Variants in SAR1A observed in about 807,000 individuals in gnomAD.
SAR1A encodes secretion associated Ras related GTPase 1A.
A neutral mutation model predicts 22.6 loss-of-function variants in SAR1A; 6 were observed. The observed-to-expected ratio is 0.27, with a 90% CI of 0.15 to 0.52. The LOEUF is 0.52. SAR1A is among the 20% of genes least tolerant of loss of function. The pLI is 0.96. For synonymous variants in SAR1A, 70 were observed against 82.2 expected (o/e 0.85, Z 0.80); for missense variants, 145 against 245.1 (o/e 0.59, Z 2.73).
In SAR1A at chr10:70,152,579, A is replaced by G; in HGVS notation, c.494T>C (p.Leu165Pro). The G allele has an allele frequency of 6.2e-7, 1 of 1,613,720 alleles. No homozygotes were observed. The highest frequency in any genetic ancestry group is 8.5e-7 in the Non-Finnish European group (1 of 1,179,616). The part of the protein sequence containing the change: ...GQTTGKGNVT[L>P]KELNARPMEV... The stretch of plus-strand genomic sequence containing the variant: ...CATGGGGCGAGCATTCAGCTCCTTC[A>G]GGGTCACATTCCCCTAAAGGAGGCA... The change falls in exon 7 of 7, where the codon CTG (leucine) becomes CCG (proline). Residue 165 changes from leucine to proline, a missense_variant. By Grantham distance (98) the Leu-to-Pro change is moderately conservative (BLOSUM62 -3). Around this residue, in one of 3 missense-constraint regions of SAR1A, gnomAD observed 83 missense variants for 114.7 expected, o/e 0.72. Coordinates refer to ENST00000373241, the MANE Select transcript of SAR1A (RefSeq NM_020150.5).
At chr10:70,169,887 G>A (rs763393408) in intron 1 of SAR1A, among the ~76,000 whole-genome samples, 25 of 152,196 alleles carry the variant, frequency 1.6e-4, no homozygotes, top group Non-Finnish European at 3.1e-4. Context: ...AAGGGAGAAG[G>A]AGAAAATACA....
chr10:70,168,930 ATCC>A (rs1184803577), intron 1 of SAR1A, among the ~76,000 whole-genome samples: 1 of 151,858 alleles, frequency 6.6e-6, no homozygotes, highest in African/African-American at 2.4e-5. Flanking sequence ...GGCTCAAGAG[ATCC>A]TCCCACCTCA....
At position 70,147,739 on chromosome 10, in the gene SAR1A, G is replaced by A. The variant is rs369673587; in HGVS notation, c.*4737C>T. 21 of 152,362 alleles carry A rather than the reference G, an allele frequency of 1.4e-4. No individual in the cohort carries two copies. The highest frequency in any genetic ancestry group is 5.1e-4 in the African/African-American group (21 of 41,570). The allele number at this position is 152,362 out of a possible 1,614,324, so 9.4% of individuals were successfully genotyped here. A position where few individuals can be genotyped will look rare whatever the true frequency, so the allele number is the denominator to read the frequency against. The stretch of plus-strand genomic sequence containing the variant: ...TACTTTTCCAAAGAAGTACGCTTTA[G>A]GACAGAGGAGGATGAACGAGTATGT... On this transcript the variant is annotated 3_prime_UTR_variant, in exon 7 of 7. Coordinates refer to ENST00000373241, the MANE Select transcript of SAR1A (RefSeq NM_020150.5).
At chr10:70,161,309 C>A in intron 3 of SAR1A, 1 of 551,382 alleles carries the variant, frequency 1.8e-6, no homozygotes, top group South Asian at 2.5e-5. Context: ...AAAAGGAATA[C>A]AAGGGTGAAA....
Position 70,161,983 on chromosome 10 carries a change from T to C in SAR1A, c.-16-52A>G, listed in dbSNP as rs901415677. ...ATTAGCTTTCTGAATGACAGTACAATTGTGGAGAGGTTAACTCTTGTTCCC... is the reference window on the plus strand; with the variant it reads ...ATTAGCTTTCTGAATGACAGTACAACTGTGGAGAGGTTAACTCTTGTTCCC... On this transcript the variant is annotated intron_variant, in intron 1 of 6. Coordinates refer to ENST00000373241, the MANE Select transcript of SAR1A (RefSeq NM_020150.5). The C allele has an allele frequency of 3.8e-6, 5 of 1,314,642 alleles. No individual in the cohort carries two copies. In the African/African-American group the frequency reaches 5.8e-5, roughly 15 times the overall value. The allele number at this position is 1,314,642 out of a possible 1,614,324, so 81.4% of individuals were successfully genotyped here. A position where few individuals can be genotyped will look rare whatever the true frequency, so the allele number is the denominator to read the frequency against.
In SAR1A at chr10:70,149,083, A is replaced by C. The variant is rs189538559; in HGVS notation, c.*3393T>G. The C allele has an allele frequency of 6.6e-6, 1 of 152,242 alleles. No individual in the cohort carries two copies. The highest frequency in any genetic ancestry group is 2.4e-5 in the African/African-American group (1 of 41,502). 9.4% of individuals were successfully genotyped at this position (152,242 alleles called of 1,614,324 possible). A position where few individuals can be genotyped will look rare whatever the true frequency, so the allele number is the denominator to read the frequency against. ...GTAACAAGGACAACAGGACACCTCCAGTACTTTTTATTTTTTTTGAGATGG... is the reference window on the plus strand; with the variant it reads ...GTAACAAGGACAACAGGACACCTCCCGTACTTTTTATTTTTTTTGAGATGG... On this transcript the variant is annotated 3_prime_UTR_variant, in exon 7 of 7. Coordinates refer to ENST00000373241, the MANE Select transcript of SAR1A (RefSeq NM_020150.5).
intron 1 of SAR1A, chr10:70,164,255 T>G: frequency 1.9e-6 from 1 of 540,328 alleles, no homozygotes; most frequent in South Asian, 2.1e-5. Context: ...TAATCAGGAC[T>G]TCATTCCTCC....
At chr10:70,163,957 T>C (rs990788429) in intron 1 of SAR1A, 1 of 1,480,938 alleles carries the variant, frequency 6.8e-7, no homozygotes, top group South Asian at 1.1e-5. Context: ...ACATTCTGTG[T>C]GTTTGATAAG....
At chr10:70,155,268 C>T (rs1055972274) in intron 5 of SAR1A, 3 of 305,626 alleles carry the variant, frequency 9.8e-6, no homozygotes, top group Admixed American at 4.4e-5. Flanking sequence ...CTGCAGGAGG[C>T]ATTTTGAAGA....
Position 70,157,803 on chromosome 10 carries a change from T to C in SAR1A, c.309A>G (p.Ala103=). The change falls in exon 5 of 7, where the codon GCA becomes GCG. Residue 103 remains alanine (A), a synonymous_variant. Coordinates refer to ENST00000373241, the MANE Select transcript of SAR1A (RefSeq NM_020150.5). The part of the protein sequence containing the change: ...INGIVFLVDC[A]DHSRLVESKV... The stretch of plus-strand genomic sequence containing the variant: ...TGGATTCCACGAGGCGAGAATGATC[T>C]GCACAGTCCACCAGAAAGACAATCC... 6.2e-7 allele frequency: 1 copy of C among 1,614,058 alleles called. No homozygotes were observed. The highest frequency in any genetic ancestry group is 8.5e-7 in the Non-Finnish European group (1 of 1,179,958).
intron 1 of SAR1A, among the ~76,000 whole-genome samples, chr10:70,170,086 G>A (rs1166003079): frequency 6.6e-6 from 1 of 152,084 alleles, no homozygotes; most frequent in Non-Finnish European, 1.5e-5. Flanking sequence ...AGGGCTGTGA[G>A]GCTCTTCCGA....
intron 6 of SAR1A, among the ~76,000 whole-genome samples, chr10:70,153,166 C>G (rs1474131902): frequency 6.6e-6 from 1 of 152,174 alleles, no homozygotes; most frequent in South Asian, 2.1e-4. Context: ...TATTTAAAAA[C>G]TAAATATGCC....
At position 70,161,403 on chromosome 10, in the gene SAR1A, T is replaced by C. The variant is rs1839466253; in HGVS notation, c.178+216A>G. On this transcript the variant is annotated intron_variant, in intron 3 of 6. Coordinates refer to ENST00000373241, the MANE Select transcript of SAR1A (RefSeq NM_020150.5). ...CTTAGAAGTAGGTATAGGAGAGGTG[T>C]CCCTTTACAGGACCAGTGACAACAG... 7 of 597,988 alleles carry C rather than the reference T, an allele frequency of 1.2e-5. No homozygotes were observed. In the East Asian group the frequency reaches 2.0e-4, roughly 17 times the overall value. The allele number at this position is 597,988 out of a possible 1,614,324, so 37.0% of individuals were successfully genotyped here.
chr10:70,156,634 T>A (rs113934696), intron 5 of SAR1A, among the ~76,000 whole-genome samples: 1 of 149,070 alleles, frequency 6.7e-6, no homozygotes, highest in Non-Finnish European at 1.5e-5. Flanking sequence ...GATTGCACCA[T>A]TGGACTCCAG....
In SAR1A at chr10:70,153,812, A is replaced by G. The variant is rs545516812; in HGVS notation, c.480+26T>C. On this transcript the variant is annotated intron_variant, in intron 6 of 6. Coordinates refer to ENST00000373241, the MANE Select transcript of SAR1A (RefSeq NM_020150.5). ...TTTAAAAACTGTTAATGTCCTTTAT[A>G]TGTAACCCAAATATTTTTCTCTTAC... 9.6e-6 allele frequency: 15 copies of G among 1,563,868 alleles called. No homozygotes were observed. The East Asian group carries it at 3.2e-4, about 33-fold the overall frequency.
Position 70,157,752 on chromosome 10 carries a change from G to A in SAR1A, c.348+12C>T, listed in dbSNP as rs754602152. On this transcript the variant is annotated intron_variant, in intron 5 of 6. Coordinates refer to ENST00000373241, the MANE Select transcript of SAR1A (RefSeq NM_020150.5). ...ATATACATTAAAATACACATTAAAGGACAAAACATACATTAAGCTCAACTT... is the reference window on the plus strand; with the variant it reads ...ATATACATTAAAATACACATTAAAGAACAAAACATACATTAAGCTCAACTT... 6 of 1,594,992 alleles carry A rather than the reference G, an allele frequency of 3.8e-6. No homozygotes were observed. The South Asian group carries it at 5.5e-5, about 15-fold the overall frequency.
intron 1 of SAR1A, chr10:70,164,039 T>C: frequency 1.2e-6 from 1 of 813,912 alleles, no homozygotes; most frequent in Admixed American, 1.7e-5. Flanking sequence ...AGTTAACAGA[T>C]GAAGAAGTTG....
At chr10:70,154,809 G>A (rs1175525158) in intron 5 of SAR1A, among the ~76,000 whole-genome samples, 1 of 151,744 alleles carries the variant, frequency 6.6e-6, no homozygotes, top group Non-Finnish European at 1.5e-5. Context: ...GTGGATAAGT[G>A]TCACAATGAA....
rs1356309795 is a variant in SAR1A at position 70,151,159 on chromosome 10, C to T, written c.*1317G>A. On this transcript the variant is annotated 3_prime_UTR_variant, in exon 7 of 7. Coordinates refer to ENST00000373241, the MANE Select transcript of SAR1A (RefSeq NM_020150.5). ...GTGCTTTTATACTGAGTCTTTACTG[C>T]CAATAAGTGATGCTGCCTCCAAAGG... 1 of 148,870 alleles carries T rather than the reference C, an allele frequency of 6.7e-6. No individual in the cohort carries two copies. The highest frequency in any genetic ancestry group is 2.1e-4 in the South Asian group (1 of 4,708). 9.2% of individuals were successfully genotyped at this position (148,870 alleles called of 1,614,324 possible). A position where few individuals can be genotyped will look rare whatever the true frequency, so the allele number is the denominator to read the frequency against.
Sources: allele counts gnomAD v4.1 joint callset (sites outside exome capture counted in the v4.1 genomes callset), GRCh38; gene constraint gnomAD v4.1.1; regional missense constraint gnomAD v4.1.1; transcripts MANE v1.5; gene names NCBI Gene and HGNC (gene_info 2026-07-23, HGNC 2026-07-21).